The following MYO1D variants were observed in gnomAD, a reference collection of about 807,000 sequenced individuals.
MYO1D encodes the protein myosin ID.
Under a neutral mutation model 122.0 loss-of-function variants are expected in MYO1D, and 83 were observed. The ratio of observed to expected loss-of-function variants is 0.68; its 90% CI spans 0.57 to 0.82. MYO1D has a LOEUF of 0.82. Ranked by LOEUF, MYO1D falls within the 40% of genes least tolerant of loss-of-function variation. The pLI is 0.00. For missense variants in MYO1D, 1,157 were observed against 1,269.5 expected, an observed-to-expected ratio of 0.91 and a Z score of 1.35; for synonymous variants, 464 against 446.9, an observed-to-expected ratio of 1.04 and a Z score of -0.48.
chr17:32,726,345 A>G (rs1349663567), intron 14 of MYO1D, among the ~76,000 whole-genome samples: 3 of 151,882 alleles, frequency 2.0e-5, no homozygotes, highest in Admixed American at 6.6e-5. Flanking sequence ...GCTTGAACCC[A>G]GGAGGTGGAG....
intron 16 of MYO1D, among the ~76,000 whole-genome samples, chr17:32,684,813 C>T (rs2088982437): frequency 1.3e-5 from 2 of 152,134 alleles, no homozygotes; most frequent in African/African-American, 4.8e-5. Flanking sequence ...TGCCAATTTG[C>T]CAATGAACAA....
chr17:32,525,993 C>G (rs1164885689), intron 21 of MYO1D, among the ~76,000 whole-genome samples: 2 of 152,248 alleles, frequency 1.3e-5, no homozygotes, highest in Non-Finnish European at 2.9e-5. Context: ...CTATTCCCCA[C>G]CTGGAAGACT....
intron 16 of MYO1D, among the ~76,000 whole-genome samples, chr17:32,688,941 G>GTA (rs1415783475): frequency 1.3e-5 from 2 of 151,854 alleles, no homozygotes; most frequent in Admixed American, 6.6e-5. Context: ...GTGTGTGTGT[G>GTA]TGTGTGTATG....
chr17:32,560,539 A>C (rs1434320395), intron 21 of MYO1D, among the ~76,000 whole-genome samples: 3,920 of 45,596 alleles, frequency 0.086, 376 homozygotes, highest in East Asian at 0.13. Context: ...ATATATATAT[A>C]TATATATATA....
chr17:32,758,787 G>GA (rs1207064263), intron 10 of MYO1D, among the ~76,000 whole-genome samples: 1 of 152,136 alleles, frequency 6.6e-6, no homozygotes, highest in African/African-American at 2.4e-5. Context: ...ATTGTGGGGG[G>GA]ATCTGCCATG....
intron 21 of MYO1D, among the ~76,000 whole-genome samples, chr17:32,522,870 G>A (rs1306937506): frequency 6.6e-6 from 1 of 150,660 alleles, no homozygotes; most frequent in Non-Finnish European, 1.5e-5. Flanking sequence ...AGGCTGGAGT[G>A]CAGTGGTGCG....
chr17:32,521,814 T>A (rs1910147870), intron 21 of MYO1D, among the ~76,000 whole-genome samples: 1 of 152,090 alleles, frequency 6.6e-6, no homozygotes. Flanking sequence ...CCAGGCGCGG[T>A]GGCTCACGCC....
At chr17:32,836,013 C>T (rs2090818849) in intron 1 of MYO1D, among the ~76,000 whole-genome samples, 1 of 152,002 alleles carries the variant, frequency 6.6e-6, no homozygotes, top group South Asian at 2.1e-4. Context: ...TTTTTGTAAG[C>T]TAAAAATAGG....
At chr17:32,697,153 C>T (rs980058780) in intron 16 of MYO1D, among the ~76,000 whole-genome samples, 2 of 152,226 alleles carry the variant, frequency 1.3e-5, no homozygotes, top group Admixed American at 1.3e-4. Context: ...TGGGTGCACA[C>T]ATCTGCCCCC....
At chr17:32,847,231 A>G (rs1465856549) in intron 1 of MYO1D, among the ~76,000 whole-genome samples, 1 of 152,250 alleles carries the variant, frequency 6.6e-6, no homozygotes, top group Non-Finnish European at 1.5e-5. Flanking sequence ...AAACTTTTAT[A>G]GAATGGAACA....
intron 21 of MYO1D, among the ~76,000 whole-genome samples, chr17:32,567,419 G>C (rs556874677): frequency 2.7e-4 from 41 of 152,316 alleles, no homozygotes; most frequent in Non-Finnish European, 4.3e-4. Context: ...ACCTGTGCTG[G>C]GGGTTTGGCT....
intron 1 of MYO1D, among the ~76,000 whole-genome samples, chr17:32,839,525 G>A (rs1009974421): frequency 2.6e-5 from 4 of 152,182 alleles, no homozygotes; most frequent in Non-Finnish European, 5.9e-5. Context: ...CCATAGTGCA[G>A]TAAGGCTGTG....
At chr17:32,589,454 G>A (rs1157301646) in intron 21 of MYO1D, among the ~76,000 whole-genome samples, 1 of 152,194 alleles carries the variant, frequency 6.6e-6, no homozygotes, top group Non-Finnish European at 1.5e-5. Context: ...GATACTACCT[G>A]TGCCCTGTAC....
chr17:32,845,067 C>T (rs533438054), intron 1 of MYO1D, among the ~76,000 whole-genome samples: 4 of 151,682 alleles, frequency 2.6e-5, no homozygotes, highest in African/African-American at 7.2e-5. Flanking sequence ...ATCTGGAAGG[C>T]TACACCAAAA....
intron 20 of MYO1D, among the ~76,000 whole-genome samples, chr17:32,611,265 G>C (rs994237784): frequency 2.6e-5 from 4 of 152,138 alleles, no homozygotes; most frequent in African/African-American, 9.7e-5. Flanking sequence ...ATATTAGAAA[G>C]AGAAATAATT....
intron 11 of MYO1D, among the ~76,000 whole-genome samples, chr17:32,753,453 CA>C (rs2089918047): frequency 6.6e-6 from 1 of 151,822 alleles, no homozygotes; most frequent in Non-Finnish European, 1.5e-5. Flanking sequence ...TTAGGGATAC[CA>C]AAAGAAAGAG....
At chr17:32,530,248 T>C (rs1040345487) in intron 21 of MYO1D, among the ~76,000 whole-genome samples, 2 of 152,248 alleles carry the variant, frequency 1.3e-5, no homozygotes, top group Non-Finnish European at 2.9e-5. Context: ...TTTGTCCATC[T>C]ATAAAATAGG....
chr17:32,829,457 T>C (rs540570697), intron 1 of MYO1D, among the ~76,000 whole-genome samples: 31 of 152,348 alleles, frequency 2.0e-4, no homozygotes, highest in African/African-American at 7.5e-4. Flanking sequence ...GCTGTTCTTT[T>C]CTGTTTTGTT....
chr17:32,800,268 C>T (rs1299162848), intron 1 of MYO1D, among the ~76,000 whole-genome samples: 1 of 152,024 alleles, frequency 6.6e-6, no homozygotes, highest in Non-Finnish European at 1.5e-5. Flanking sequence ...TCACAATAGC[C>T]AAGATATAGA....
Sources: allele counts gnomAD v4.1 joint callset (sites outside exome capture counted in the v4.1 genomes callset), GRCh38; gene constraint gnomAD v4.1.1; transcripts MANE v1.5; gene names NCBI Gene and HGNC (gene_info 2026-07-23, HGNC 2026-07-21).